SLCO5A1: variants seen among roughly 807,000 people sequenced by gnomAD.
SLCO5A1 encodes the protein organic anion transporter polypeptide-related protein 4.
Under a neutral mutation model 65.1 loss-of-function variants are expected in SLCO5A1, and 39 were observed. That is an observed-to-expected ratio of 0.60 (90% CI 0.46 to 0.78). SLCO5A1 has a LOEUF of 0.78. SLCO5A1 is among the 30% of genes least tolerant of loss of function. The pLI is 0.00. For synonymous variants in SLCO5A1, 438 were observed against 415.7 expected (o/e 1.05, Z -0.65); for missense variants, 1,029 against 1,069.4 (o/e 0.96, Z 0.53).
chr8:69,711,054 T>C (rs1815222681), intron 5 of SLCO5A1, among the ~76,000 whole-genome samples: 1 of 152,118 alleles, frequency 6.6e-6, no homozygotes, highest in South Asian at 2.1e-4. Context: ...ACAGCAGCTC[T>C]AGTAGTTCCG....
At chr8:69,729,644 A>G (rs1188045093) in intron 5 of SLCO5A1, among the ~76,000 whole-genome samples, 1 of 152,154 alleles carries the variant, frequency 6.6e-6, no homozygotes, top group Non-Finnish European at 1.5e-5. Context: ...GGAACTGGCC[A>G]AACAAGAAGC....
At chr8:69,740,797 T>C (rs762002301) in intron 4 of SLCO5A1, among the ~76,000 whole-genome samples, 1 of 152,180 alleles carries the variant, frequency 6.6e-6, no homozygotes, top group Non-Finnish European at 1.5e-5. Flanking sequence ...AGAAGACAGC[T>C]TGAAGGATTC....
chr8:69,827,292 T>C (rs1040940680), intron 2 of SLCO5A1, among the ~76,000 whole-genome samples: 4 of 152,082 alleles, frequency 2.6e-5, no homozygotes, highest in African/African-American at 9.7e-5. Flanking sequence ...AAACTTAAAG[T>C]ATAATAATAT....
intron 6 of SLCO5A1, among the ~76,000 whole-genome samples, chr8:69,693,935 C>T (rs1814380992): frequency 6.6e-6 from 1 of 152,202 alleles, no homozygotes; most frequent in South Asian, 2.1e-4. Flanking sequence ...ATAATTTGCC[C>T]ATACTCAGAC....
At chr8:69,679,289 G>A (rs2130786857) in intron 8 of SLCO5A1, 89 bp downstream of exon 8, 1 of 1,555,512 alleles carries the variant, frequency 6.4e-7, no homozygotes, top group East Asian at 2.3e-5. Flanking sequence ...TTTGCTCTCT[G>A]ATTTACCACA....
At chr8:69,810,691 A>G (rs190145174) in intron 2 of SLCO5A1, among the ~76,000 whole-genome samples, 1 of 152,334 alleles carries the variant, frequency 6.6e-6, no homozygotes, top group Admixed American at 6.5e-5. Context: ...TCAATAGACA[A>G]TAAACTCACT....
intron 3 of SLCO5A1, among the ~76,000 whole-genome samples, chr8:69,760,261 G>A (rs932306227): frequency 1.3e-5 from 2 of 152,158 alleles, no homozygotes; most frequent in Non-Finnish European, 2.9e-5. Flanking sequence ...ATTTCACTAT[G>A]AGTCAAGAAC....
intron 2 of SLCO5A1, among the ~76,000 whole-genome samples, chr8:69,831,462 A>T (rs1285362867): frequency 6.6e-6 from 1 of 152,168 alleles, no homozygotes; most frequent in Non-Finnish European, 1.5e-5. Context: ...TAAACTTGAC[A>T]AATTGGAGCT....
At chr8:69,716,610 T>C (rs1241695193) in intron 5 of SLCO5A1, among the ~76,000 whole-genome samples, 1 of 152,220 alleles carries the variant, frequency 6.6e-6, no homozygotes, top group Non-Finnish European at 1.5e-5. Flanking sequence ...TTGTTGGACA[T>C]TGGTACATCT....
rs148481906 is a variant in SLCO5A1 at position 69,831,631 on chromosome 8, C to A, written c.907+136G>T. 1.1e-3 allele frequency: 1,121 copies of A among 991,474 alleles called. 9 individuals are homozygous for A. In the East Asian group the frequency reaches 0.019, roughly 17 times the overall value. The allele number at this position is 991,474 out of a possible 1,614,324, so 61.4% of individuals were successfully genotyped here. ...AAACTGAAAACACACTACAGCAAGG[C>A]TAAAACGTAAAATAAAGTGAACTTT... On this transcript the variant is annotated intron_variant, in intron 2 of 9. Coordinates refer to ENST00000260126, the MANE Select transcript of SLCO5A1 (RefSeq NM_030958.3).
At chr8:69,797,762 C>A (rs1563730364) in intron 2 of SLCO5A1, among the ~76,000 whole-genome samples, 2 of 152,226 alleles carry the variant, frequency 1.3e-5, no homozygotes. Context: ...TGCTCTCAAA[C>A]CCTGTCTCCT....
At chr8:69,804,364 A>G (rs187993075) in intron 2 of SLCO5A1, among the ~76,000 whole-genome samples, 255 of 152,278 alleles carry the variant, frequency 1.7e-3, no homozygotes, top group African/African-American at 5.8e-3. Flanking sequence ...CCCAGGCTGT[A>G]GTACAGTGGC....
chr8:69,679,310 G>A, intron 8 of SLCO5A1, 68 bp downstream of exon 8: 1 of 1,592,554 alleles, frequency 6.3e-7, no homozygotes, highest in Middle Eastern at 1.7e-4. Flanking sequence ...TAAGCCCCTT[G>A]TCCTGGATTA....
chr8:69,715,675 C>G lies in SLCO5A1; in HGVS notation c.1424-10446G>C, dbSNP rs531704365. On this transcript the variant is annotated intron_variant, in intron 5 of 9. Coordinates refer to ENST00000260126, the MANE Select transcript of SLCO5A1 (RefSeq NM_030958.3). ...ACTATACCTATTAGAGTGCCCTTGC[C>G]CCACTAAGGCCAGGTGGAAATTTTG... Among the ~76,000 whole-genome samples, 3 of 152,280 alleles carry G rather than the reference C, an allele frequency of 2.0e-5. No individual in the cohort carries two copies. The East Asian group carries it at 5.8e-4, about 29-fold the overall frequency.
chr8:69,722,371 T>C (rs1815867452), intron 5 of SLCO5A1, among the ~76,000 whole-genome samples: 1 of 152,118 alleles, frequency 6.6e-6, no homozygotes. Context: ...TATCTCCTTA[T>C]ACAGATAAGA....
chr8:69,714,385 A>T (rs1481043212), intron 5 of SLCO5A1, among the ~76,000 whole-genome samples: 1 of 152,238 alleles, frequency 6.6e-6, no homozygotes, highest in African/African-American at 2.4e-5. Context: ...GTTGCAGTCA[A>T]AGCTGCCAGT....
intron 2 of SLCO5A1, among the ~76,000 whole-genome samples, chr8:69,765,022 A>G (rs1282966339): frequency 2.0e-5 from 3 of 152,200 alleles, no homozygotes; most frequent in Non-Finnish European, 4.4e-5. Context: ...CTACTCCCTA[A>G]AATATAGATA....
intron 5 of SLCO5A1, among the ~76,000 whole-genome samples, chr8:69,731,714 T>C (rs1816343941): frequency 6.6e-6 from 1 of 152,224 alleles, no homozygotes; most frequent in East Asian, 1.9e-4. Context: ...TCACTTTTTG[T>C]TCCTAATAGC....
At chr8:69,813,210 A>G (rs923599696) in intron 2 of SLCO5A1, among the ~76,000 whole-genome samples, 1 of 151,952 alleles carries the variant, frequency 6.6e-6, no homozygotes, top group Non-Finnish European at 1.5e-5. Flanking sequence ...AAAAAAAAGT[A>G]TCTTAAAACT....
Sources: gnomAD v4.1 joint callset for allele counts (sites outside exome capture counted in the v4.1 genomes callset) on GRCh38, gnomAD v4.1.1 for gene constraint, MANE v1.5 for transcripts, NCBI Gene and HGNC (gene_info 2026-07-23, HGNC 2026-07-21) for gene names.